DDAH1: variants seen among roughly 807,000 people sequenced by gnomAD.
DDAH1 encodes dimethylarginine dimethylaminohydrolase 1.
A neutral mutation model predicts 28.8 loss-of-function variants in DDAH1; 19 were observed. The observed-to-expected ratio is 0.66, with a 90% CI of 0.46 to 0.97. DDAH1 has a LOEUF of 0.97. DDAH1 is among the 50% of genes least tolerant of loss of function. The probability of loss-of-function intolerance (pLI) is 0.00; values close to 1 mark genes in which losing one functional copy is unlikely to be tolerated. For missense variants in DDAH1, 326 were observed against 375.9 expected (o/e 0.87, Z 1.10); for synonymous variants, 153 against 154.4 (o/e 0.99, Z 0.07).
chr1:85,412,233 C>T (rs924607101), intron 1 of DDAH1, among the ~76,000 whole-genome samples: 5 of 152,172 alleles, frequency 3.3e-5, no homozygotes, highest in African/African-American at 1.2e-4. Flanking sequence ...TTTCTTGAGT[C>T]GGAGTCTACT....
chr1:85,346,268 AG>A (rs1211691345), intron 4 of DDAH1, among the ~76,000 whole-genome samples: 1 of 152,198 alleles, frequency 6.6e-6, no homozygotes, highest in African/African-American at 2.4e-5. Context: ...GAGATGCCCA[AG>A]TGACCAGGGA....
intron 1 of DDAH1, among the ~76,000 whole-genome samples, chr1:85,401,428 G>A (rs948359920): frequency 4.6e-5 from 7 of 151,680 alleles, no homozygotes; most frequent in Admixed American, 1.3e-4. Context: ...AGGAAAAAGA[G>A]TTGTAATGAG....
intron 1 of DDAH1, among the ~76,000 whole-genome samples, chr1:85,385,584 C>CAGTT (rs1234532189): frequency 3.3e-5 from 5 of 152,178 alleles, no homozygotes; most frequent in Non-Finnish European, 5.9e-5. Context: ...GTTTACTCTG[C>CAGTT]AGTTAGAGCG....
chr1:85,327,677 G>A (rs1647494365), intron 4 of DDAH1, among the ~76,000 whole-genome samples: 1 of 152,124 alleles, frequency 6.6e-6, no homozygotes, highest in Non-Finnish European at 1.5e-5. Context: ...GTGACTTTGG[G>A]AAAGTCACAT....
intron 4 of DDAH1, among the ~76,000 whole-genome samples, chr1:85,327,290 C>T (rs1647465601): frequency 6.6e-6 from 1 of 152,196 alleles, no homozygotes; most frequent in African/African-American, 2.4e-5. Context: ...CCACTGCACT[C>T]CAGCCTGAGC....
chr1:85,376,455 T>G (rs1305982353), intron 1 of DDAH1, among the ~76,000 whole-genome samples: 1 of 152,158 alleles, frequency 6.6e-6, no homozygotes, highest in African/African-American at 2.4e-5. Context: ...CTTATAATTT[T>G]TAAATTCTAT....
chr1:85,528,367 A>G (rs1206323352), intron 1 of DDAH1, among the ~76,000 whole-genome samples: 1 of 152,192 alleles, frequency 6.6e-6, no homozygotes, highest in African/African-American at 2.4e-5. Flanking sequence ...CGGAGTTTGG[A>G]AAATACTGCT....
rs186132557 is a variant in DDAH1, at chr1:85,392,685, C to T, written c.304-33838G>A. 2.5e-3 allele frequency among the ~76,000 whole-genome samples: 383 copies of T among 150,216 alleles called. 1 individual carries two copies. Among genetic ancestry groups the T allele is most frequent in the Non-Finnish European group, 3.9e-3 (267 of 67,672 alleles). ...GCATGTGCCTGTAATCCCAGCTACTCGGGAGGCTGAGGCAGGAGAACGGCT... is the reference window on the plus strand; with the variant it reads ...GCATGTGCCTGTAATCCCAGCTACTTGGGAGGCTGAGGCAGGAGAACGGCT... On this transcript the variant is annotated intron_variant, in intron 1 of 5. Transcript: ENST00000284031.
chr1:85,479,231 T>C (rs982445208), intron 2 of DDAH1, among the ~76,000 whole-genome samples: 4 of 137,234 alleles, frequency 2.9e-5, no homozygotes, highest in Non-Finnish European at 6.1e-5. Context: ...CGGACTGCAG[T>C]GGCGCGATCT....
chr1:85,566,702 A>G (rs1340694962), intron 1 of DDAH1, among the ~76,000 whole-genome samples: 8 of 152,224 alleles, frequency 5.3e-5, no homozygotes, highest in Admixed American at 5.2e-4. Flanking sequence ...ATTACTAGGG[A>G]TAAAGAAATT....
chr1:85,460,265 C>T (rs571449539), intron 1 of DDAH1, among the ~76,000 whole-genome samples: 1 of 152,260 alleles, frequency 6.6e-6, no homozygotes, highest in Admixed American at 6.5e-5. Flanking sequence ...ATATATAGGT[C>T]CTACTAAGTA....
intron 4 of DDAH1, among the ~76,000 whole-genome samples, chr1:85,344,326 TATGAAAAAA>T (rs1272680841): frequency 1.3e-5 from 2 of 152,032 alleles, no homozygotes; most frequent in Admixed American, 1.3e-4. Context: ...AAATGTAATA[TATGAAAAAA>T]ATGAAAACAA....
At chr1:85,357,569 C>A (rs941939756) in intron 2 of DDAH1, among the ~76,000 whole-genome samples, 5 of 152,064 alleles carry the variant, frequency 3.3e-5, no homozygotes, top group African/African-American at 1.2e-4. Context: ...ATATGAGATT[C>A]AATATAAAAT....
At chr1:85,498,405 C>T (rs112270595) in intron 1 of DDAH1, among the ~76,000 whole-genome samples, 3 of 152,028 alleles carry the variant, frequency 2.0e-5, no homozygotes, top group Non-Finnish European at 2.9e-5. Context: ...TAAAACTTAT[C>T]GTGGAGCTGT....
rs1037722056 is a variant in DDAH1, at chr1:85,464,687, G to C, written c.303+56C>G. On this transcript the variant is annotated intron_variant, in intron 1 of 5. Coordinates refer to ENST00000284031, the MANE Select transcript of DDAH1 (RefSeq NM_012137.4). This position sits in a 1 kb window ranked among gnomAD's most constrained non-coding sequence, Gnocchi z 4.4. ...GACTCCCCAGGCAACACGGCGGCCG[G>C]CGGCGGGGGAGGGCCTGGCGCGCGC... 1.5e-5 allele frequency: 21 copies of C among 1,429,818 alleles called. No individual in the cohort carries two copies. Among genetic ancestry groups the C allele is most frequent in the Non-Finnish European group, 1.8e-5 (20 of 1,098,570 alleles). The allele number at this position is 1,429,818 out of a possible 1,614,324, so 88.6% of individuals were successfully genotyped here. A position where few individuals can be genotyped will look rare whatever the true frequency, so the allele number is the denominator to read the frequency against.
At chr1:85,560,061 C>T (rs1659096698) in intron 1 of DDAH1, among the ~76,000 whole-genome samples, 1 of 151,132 alleles carries the variant, frequency 6.6e-6, no homozygotes, top group Admixed American at 6.6e-5. Context: ...CAAAAGCAGC[C>T]AGAGAGAAAA....
intron 1 of DDAH1, among the ~76,000 whole-genome samples, chr1:85,569,390 CA>C (rs1659390634): frequency 6.6e-6 from 1 of 152,152 alleles, no homozygotes; most frequent in African/African-American, 2.4e-5. Context: ...AATTGTGTTC[CA>C]AAAGAGAAGC....
At chr1:85,326,797 T>C (rs904740795) in intron 4 of DDAH1, among the ~76,000 whole-genome samples, 1 of 152,218 alleles carries the variant, frequency 6.6e-6, no homozygotes, top group Non-Finnish European at 1.5e-5. Flanking sequence ...ATAGAGGGGC[T>C]CACCTATGGA....
chr1:85,409,952 C>G (rs1320884448), intron 1 of DDAH1, among the ~76,000 whole-genome samples: 1 of 152,158 alleles, frequency 6.6e-6, no homozygotes, highest in Non-Finnish European at 1.5e-5. Flanking sequence ...GTAATCATAA[C>G]AATTCTCCTT....
Sources: allele counts gnomAD v4.1 joint callset (sites outside exome capture counted in the v4.1 genomes callset), GRCh38; gene constraint gnomAD v4.1.1; non-coding constraint Gnocchi (gnomAD v3.1); transcripts MANE v1.5; gene names NCBI Gene and HGNC (gene_info 2026-07-23, HGNC 2026-07-21).